The following MBNL2 variants were observed in gnomAD, a reference collection of about 807,000 sequenced individuals.
The protein encoded by MBNL2 is muscleblind like splicing regulator 2.
Under a neutral mutation model 41.9 loss-of-function variants are expected in MBNL2, and 17 were observed. That is an observed-to-expected ratio of 0.41 (90% CI 0.28 to 0.61). The LOEUF (loss-of-function observed/expected upper bound fraction) is 0.61, where lower values mean the gene tolerates loss of function less well. Among genes scored for constraint, MBNL2 ranks in the 20% least tolerant of loss-of-function variants. The probability of loss-of-function intolerance (pLI) is 0.35; values close to 1 mark genes in which losing one functional copy is unlikely to be tolerated. For synonymous variants in MBNL2, 195 were observed against 182.9 expected (o/e 1.07, Z -0.53); for missense variants, 336 against 505.6 (o/e 0.66, Z 3.22).
the MBNL2 span, among the ~76,000 whole-genome samples, chr13:97,144,210 C>G: frequency 6.6e-6 from 1 of 151,872 alleles, no homozygotes; most frequent in Non-Finnish European, 1.5e-5. Context: ...TCTGTCTGAG[C>G]CTTCAGAAAC....
the MBNL2 span, among the ~76,000 whole-genome samples, chr13:97,175,833 A>G: frequency 9.2e-5 from 14 of 152,328 alleles, no homozygotes; most frequent in South Asian, 2.1e-4. Context: ...AGGACCTGAT[A>G]GAGTTGCAGA....
At chr13:97,225,829 A>G (rs1350301347) in intron 1 of MBNL2, among the ~76,000 whole-genome samples, 2 of 152,164 alleles carry the variant, frequency 1.3e-5, no homozygotes, top group South Asian at 4.1e-4. Context: ...TAAAGGTGTC[A>G]TGGGCCCAGG....
the MBNL2 span, among the ~76,000 whole-genome samples, chr13:97,154,749 A>G: frequency 2.0e-5 from 3 of 152,144 alleles, no homozygotes; most frequent in Non-Finnish European, 4.4e-5. Context: ...CTAGACACAT[A>G]GTTGATACTA....
chr13:97,206,853 T>A, the MBNL2 span, among the ~76,000 whole-genome samples: 1 of 152,174 alleles, frequency 6.6e-6, no homozygotes, highest in Non-Finnish European at 1.5e-5. Flanking sequence ...GGGTTCAAAG[T>A]CTGCAATATG....
intron 4 of MBNL2, among the ~76,000 whole-genome samples, chr13:97,345,079 C>T (rs1330389366): frequency 6.6e-6 from 1 of 152,130 alleles, no homozygotes; most frequent in Non-Finnish European, 1.5e-5. Context: ...GGCTAATATC[C>T]AAAGTAGGAG....
chr13:97,301,160 C>G (rs1177957322), intron 2 of MBNL2, among the ~76,000 whole-genome samples: 1 of 152,184 alleles, frequency 6.6e-6, no homozygotes, highest in Non-Finnish European at 1.5e-5. Flanking sequence ...TGATATTTGT[C>G]TAGACATAAA....
chr13:97,274,191 C>T (rs923808205), intron 1 of MBNL2, among the ~76,000 whole-genome samples: 12 of 151,924 alleles, frequency 7.9e-5, no homozygotes, highest in African/African-American at 2.9e-4. Flanking sequence ...ACTTGTGAAC[C>T]ACTTAAAAAT....
chr13:97,253,260 T>C (rs1414096945), intron 1 of MBNL2, among the ~76,000 whole-genome samples: 2 of 152,186 alleles, frequency 1.3e-5, no homozygotes. Flanking sequence ...ATATATCCAT[T>C]TATCTACTGA....
intron 2 of MBNL2, among the ~76,000 whole-genome samples, chr13:97,280,280 A>G (rs1004166512): frequency 6.6e-6 from 1 of 152,202 alleles, no homozygotes; most frequent in Non-Finnish European, 1.5e-5. Context: ...TTGAACATCA[A>G]GAAGGGGGTG....
In MBNL2 at chr13:97,334,796, A is replaced by G. The variant is rs2060738452; in HGVS notation, c.339+356A>G. 6.6e-6 allele frequency among the ~76,000 whole-genome samples: 1 copy of G among 152,226 alleles called. No individual in the cohort carries two copies. The highest frequency in any genetic ancestry group is 2.4e-5 in the African/African-American group (1 of 41,450). ...ATCAATGAGTTTGTGATGCCTAAAA[A>G]TATTTTGAGCCATGTAGTTCTATGG... On this transcript the variant is annotated intron_variant, in intron 3 of 8. Transcript: ENST00000679496. The surrounding 1 kb of genome is among the most constrained non-coding windows in gnomAD (Gnocchi z 5.3).
intron 8 of MBNL2, among the ~76,000 whole-genome samples, chr13:97,374,210 C>G (rs1470303490): frequency 1.3e-5 from 2 of 151,648 alleles, no homozygotes; most frequent in Non-Finnish European, 2.9e-5. Flanking sequence ...TGCAGTGGCG[C>G]GATCTCGGCT....
chr13:97,360,811 G>A (rs1186280075), intron 7 of MBNL2, among the ~76,000 whole-genome samples: 1 of 152,230 alleles, frequency 6.6e-6, no homozygotes, highest in East Asian at 1.9e-4. Flanking sequence ...CAGCTGATCA[G>A]AACAAAGGCA....
chr13:97,195,379 A>T, the MBNL2 span, among the ~76,000 whole-genome samples: 1 of 151,816 alleles, frequency 6.6e-6, no homozygotes, highest in Non-Finnish European at 1.5e-5. Context: ...GTCTCTCCCA[A>T]CCCTGCTCTC....
rs769975742 is a variant in MBNL2, at chr13:97,276,025, A to G, written c.-211A>G. The G allele has an allele frequency of 8.5e-6, 4 of 471,256 alleles. No individual in the cohort carries two copies. The highest frequency in any genetic ancestry group is 2.0e-5 in the African/African-American group (1 of 50,746). The allele number at this position is 471,256 out of a possible 1,614,324, so 29.2% of individuals were successfully genotyped here. On this transcript the variant is annotated 5_prime_UTR_variant, in exon 2 of 9. Transcript: ENST00000679496. ...GAGCATGCTTTTATTGCGGCCTACC[A>G]TCTTTAAGTGGGACATATTGATTGA...
rs117841845 is a variant in MBNL2 at position 97,382,446 on chromosome 13, C to T, written c.1049-8876C>T. On this transcript the variant is annotated intron_variant, in intron 8 of 8. Transcript: ENST00000679496. The stretch of plus-strand genomic sequence containing the variant: ...AAATAGAAAATTCCGTCACCTCCTC[C>T]ACCTGCTGGAGCTGTGGAGGCGCCA... Among the ~76,000 whole-genome samples the T allele has an allele frequency of 6.7e-3, 1,025 of 152,324 alleles. 8 individuals are homozygous for T. The highest frequency in any genetic ancestry group is 0.01 in the Non-Finnish European group (683 of 68,030).
chr13:97,294,666 TTTA>T (rs2056747461), intron 2 of MBNL2, among the ~76,000 whole-genome samples: 1 of 152,176 alleles, frequency 6.6e-6, no homozygotes, highest in Non-Finnish European at 1.5e-5. Flanking sequence ...CATGGCCAAA[TTTA>T]GAAAACATTA....
At chr13:97,236,688 G>T (rs1044603352) in intron 1 of MBNL2, among the ~76,000 whole-genome samples, 1 of 151,954 alleles carries the variant, frequency 6.6e-6, no homozygotes, top group African/African-American at 2.4e-5. Flanking sequence ...TCCAGCAGTG[G>T]TCTCTGTTCC....
At chr13:97,176,782 GTATAT>G in the MBNL2 span, among the ~76,000 whole-genome samples, 1 of 152,000 alleles carries the variant, frequency 6.6e-6, no homozygotes, top group Admixed American at 6.6e-5. Context: ...GACTTTCAAG[GTATAT>G]TATATTTTTT....
At chr13:97,388,488 C>T (rs74425431) in intron 8 of MBNL2, among the ~76,000 whole-genome samples, 168 of 152,086 alleles carry the variant, frequency 1.1e-3, no homozygotes, top group African/African-American at 3.8e-3. Context: ...CAAGAGGTTC[C>T]TCTTTCTCTC....
Sources: gnomAD v4.1 joint callset for allele counts (sites outside exome capture counted in the v4.1 genomes callset) on GRCh38, gnomAD v4.1.1 for gene constraint, Gnocchi (gnomAD v3.1) non-coding constraint, MANE v1.5 for transcripts, NCBI Gene and HGNC (gene_info 2026-07-23, HGNC 2026-07-21) for gene names.